EFCAB11: variants seen among roughly 807,000 people sequenced by gnomAD.
EFCAB11 encodes EF-hand calcium binding domain 11.
A neutral mutation model predicts 23.0 loss-of-function variants in EFCAB11; 14 were observed. The observed-to-expected ratio is 0.61, with a 90% CI of 0.40 to 0.95. EFCAB11 has a LOEUF of 0.95. Ranked by LOEUF, EFCAB11 falls within the 40% of genes least tolerant of loss-of-function variation. The pLI is 0.00. For missense variants in EFCAB11, 198 were observed against 195.8 expected, an observed-to-expected ratio of 1.01 and a Z score of -0.07; for synonymous variants, 65 against 66.6, an observed-to-expected ratio of 0.98 and a Z score of 0.11.
At chr14:89,825,625 C>T (rs1318353971) in intron 5 of EFCAB11, among the ~76,000 whole-genome samples, 1 of 151,942 alleles carries the variant, frequency 6.6e-6, no homozygotes, top group Non-Finnish European at 1.5e-5. Context: ...TCACCTATAT[C>T]ACAACTGAAA....
chr14:89,805,572 C>G (rs996041605), intron 5 of EFCAB11, among the ~76,000 whole-genome samples: 1 of 152,124 alleles, frequency 6.6e-6, no homozygotes, highest in Non-Finnish European at 1.5e-5. Context: ...TACATTGATT[C>G]GATAATTTGT....
chr14:89,831,081 G>A (rs1199032766), intron 5 of EFCAB11: 1 of 152,740 alleles, frequency 6.5e-6, no homozygotes, highest in Non-Finnish European at 1.5e-5. Flanking sequence ...AGCTGGGTAA[G>A]AGGCTGAGAT....
chr14:89,916,490 C>T (rs2139777390), intron 5 of EFCAB11, among the ~76,000 whole-genome samples: 1 of 152,280 alleles, frequency 6.6e-6, no homozygotes, highest in Non-Finnish European at 1.5e-5. Flanking sequence ...TTTGTTAAAG[C>T]CTCCAAGTCT....
Position 89,923,980 on chromosome 14 carries a change from A to G in EFCAB11, c.410+7561T>C, listed in dbSNP as rs1372525740. On this transcript the variant is annotated intron_variant, in intron 5 of 5. Coordinates refer to ENST00000316738, the MANE Select transcript of EFCAB11 (RefSeq NM_145231.4). The stretch of plus-strand genomic sequence containing the variant: ...GCTCTGTAAGACTCTTCCAATCAGC[A>G]TAACAGAAGAGCCTATTTGTTTTAC... 11 of 971,542 alleles carry G rather than the reference A, an allele frequency of 1.1e-5. No individual in the cohort carries two copies. The East Asian group carries it at 4.6e-4, about 41-fold the overall frequency. The allele number at this position is 971,542 out of a possible 1,614,324, so 60.2% of individuals were successfully genotyped here. A position where few individuals can be genotyped will look rare whatever the true frequency, so the allele number is the denominator to read the frequency against.
In EFCAB11 at chr14:89,954,595, C is replaced by G; in HGVS notation, c.66G>C (p.Lys22Asn). ...CCCTCCGGAAACCTACTTCCACCCA[C>G]TTCCTGTGTTCCGAGGGACTGGCTT... The part of the protein sequence containing the change: ...TWEASPSEHR[K>N]WVEVFKACDE... The change falls in exon 1 of 6, where the codon AAG becomes AAC. Residue 22 changes from lysine (K) to asparagine (N), a missense_variant. Coordinates refer to ENST00000316738, the MANE Select transcript of EFCAB11 (RefSeq NM_145231.4). 1 of 1,613,926 alleles carries G rather than the reference C, an allele frequency of 6.2e-7. No individual in the cohort carries two copies. The highest frequency in any genetic ancestry group is 8.5e-7 in the Non-Finnish European group (1 of 1,179,982).
chr14:89,806,385 C>T (rs558068405), intron 5 of EFCAB11, among the ~76,000 whole-genome samples: 2 of 152,218 alleles, frequency 1.3e-5, no homozygotes, highest in South Asian at 2.1e-4. Context: ...TTTGATATTC[C>T]TTCTCTATCA....
At chr14:89,842,637 G>GATATGATATA (rs1304143561) in intron 5 of EFCAB11, among the ~76,000 whole-genome samples, 4,646 of 48,954 alleles carry the variant, frequency 0.095, 213 homozygotes, top group African/African-American at 0.2. Context: ...GATATGATAT[G>GATATGATATA]ATATAATATA....
At chr14:89,839,948 G>C (rs1034580237) in intron 5 of EFCAB11, among the ~76,000 whole-genome samples, 1 of 152,114 alleles carries the variant, frequency 6.6e-6, no homozygotes, top group African/African-American at 2.4e-5. Context: ...TCCAACACTG[G>C]GGATTACAAC....
chr14:89,823,909 G>A (rs543906082), intron 5 of EFCAB11, among the ~76,000 whole-genome samples: 4 of 152,148 alleles, frequency 2.6e-5, no homozygotes, highest in South Asian at 2.1e-4. Context: ...AAAAAGAAAC[G>A]AACAGAGGAA....
chr14:89,867,405 T>C (rs1426448152), intron 5 of EFCAB11, among the ~76,000 whole-genome samples: 3 of 152,126 alleles, frequency 2.0e-5, no homozygotes, highest in Non-Finnish European at 4.4e-5. Context: ...CAACATCATG[T>C]TAATGTGTGG....
chr14:89,928,753 T>G (rs933776543), intron 5 of EFCAB11, among the ~76,000 whole-genome samples: 13 of 147,110 alleles, frequency 8.8e-5, no homozygotes, highest in Non-Finnish European at 1.6e-4. Flanking sequence ...TTATATTAAT[T>G]ATATAATTAT....
At chr14:89,890,468 C>T (rs1275394287) in intron 5 of EFCAB11, among the ~76,000 whole-genome samples, 1 of 152,118 alleles carries the variant, frequency 6.6e-6, no homozygotes, top group Non-Finnish European at 1.5e-5. Context: ...AAGTGATACT[C>T]TTTTCTAACA....
chr14:89,937,958 G>A (rs1890649272), intron 3 of EFCAB11: 1 of 152,054 alleles, frequency 6.6e-6, no homozygotes, highest in Non-Finnish European at 1.5e-5. Context: ...TTTCTTAGGA[G>A]GGTAATCATC....
intron 3 of EFCAB11, among the ~76,000 whole-genome samples, chr14:89,936,015 G>GAA (rs796772201): frequency 3.6e-5 from 5 of 140,692 alleles, no homozygotes; most frequent in African/African-American, 1.0e-4. Flanking sequence ...CTCAAAAAAA[G>GAA]AAAAAAAAAA....
intron 5 of EFCAB11, among the ~76,000 whole-genome samples, chr14:89,930,554 A>G (rs1890354488): frequency 6.6e-6 from 1 of 152,148 alleles, no homozygotes; most frequent in Admixed American, 6.5e-5. Flanking sequence ...CATACCTTCT[A>G]CTTTCTTTTC....
chr14:89,935,567 A>G (rs1300136314), intron 3 of EFCAB11, among the ~76,000 whole-genome samples: 1 of 152,136 alleles, frequency 6.6e-6, no homozygotes, highest in Non-Finnish European at 1.5e-5. Context: ...ATATGCCACC[A>G]TGCCAGGCTT....
chr14:89,948,169 A>T (rs1402299781), intron 3 of EFCAB11, among the ~76,000 whole-genome samples: 1 of 152,250 alleles, frequency 6.6e-6, no homozygotes, highest in Non-Finnish European at 1.5e-5. Flanking sequence ...AAACATATTT[A>T]TAAATAATCA....
chr14:89,900,071 A>G (rs1401045150), intron 5 of EFCAB11, among the ~76,000 whole-genome samples: 2 of 152,302 alleles, frequency 1.3e-5, no homozygotes, highest in East Asian at 1.9e-4. Context: ...CGAATTTTCA[A>G]TTGATTCTGG....
At chr14:89,904,893 T>C (rs1452121232) in intron 5 of EFCAB11, among the ~76,000 whole-genome samples, 1 of 152,184 alleles carries the variant, frequency 6.6e-6, no homozygotes, top group African/African-American at 2.4e-5. Flanking sequence ...GATGGGTAGA[T>C]TGCAAAAATT....
Sources: gnomAD v4.1 joint callset for allele counts (sites outside exome capture counted in the v4.1 genomes callset) on GRCh38, gnomAD v4.1.1 for gene constraint, MANE v1.5 for transcripts, NCBI Gene and HGNC (gene_info 2026-07-23, HGNC 2026-07-21) for gene names.